The following CCDC148 variants were observed in gnomAD, a reference collection of about 807,000 sequenced individuals.
CCDC148 encodes the protein coiled-coil domain-containing protein 148.
Under a neutral mutation model 85.7 loss-of-function variants are expected in CCDC148, and 89 were observed. The observed-to-expected ratio is 1.04, with a 90% CI of 0.87 to 1.24. The LOEUF (loss-of-function observed/expected upper bound fraction) is 1.24, where lower values mean the gene tolerates loss of function less well. Among genes scored for constraint, CCDC148 ranks in the 50% most tolerant of loss-of-function variants. The pLI, the probability that CCDC148 is intolerant of heterozygous loss-of-function variation, is 0.00. For synonymous variants in CCDC148, 230 were observed against 213.9 expected, an observed-to-expected ratio of 1.08 and a Z score of -0.66; for missense variants, 692 against 671.7, an observed-to-expected ratio of 1.03 and a Z score of -0.33.
At chr2:158,347,227 CA>C (rs561408760) in intron 2 of CCDC148, among the ~76,000 whole-genome samples, 1 of 151,538 alleles carries the variant, frequency 6.6e-6, no homozygotes, top group South Asian at 2.1e-4. Context: ...ACATATTGTA[CA>C]AAAAAATTAA....
chr2:158,437,352 C>T (rs149801668), intron 1 of CCDC148, among the ~76,000 whole-genome samples: 25,274 of 152,048 alleles, frequency 0.17, 2,247 homozygotes, highest in Middle Eastern at 0.21. Flanking sequence ...TAATACCTCA[C>T]ATAAACAGAA....
At chr2:158,412,847 A>G (rs1341897266) in intron 1 of CCDC148, among the ~76,000 whole-genome samples, 1 of 134,292 alleles carries the variant, frequency 7.4e-6, no homozygotes, top group Non-Finnish European at 1.7e-5. Context: ...TATTATTATT[A>G]TTATTATTAT....
At position 158,324,040 on chromosome 2, in the gene CCDC148, C is replaced by T. The variant is rs555033275; in HGVS notation, c.765-10146G>A. 3.1e-4 allele frequency among the ~76,000 whole-genome samples: 46 copies of T among 150,148 alleles called. 1 individual carries two copies. Among genetic ancestry groups the T allele is most frequent in the African/African-American group, 1.1e-3 (44 of 40,846 alleles). On this transcript the variant is annotated intron_variant, in intron 7 of 13. Transcript: ENST00000283233. The stretch of plus-strand genomic sequence containing the variant: ...CAAGCGATTCTTCTGCCTCAGGTTC[C>T]CAAGTAGCTGGGATTACAGGCATGC...
chr2:158,389,953 C>T (rs927711778), intron 1 of CCDC148, among the ~76,000 whole-genome samples: 10 of 152,064 alleles, frequency 6.6e-5, no homozygotes, highest in African/African-American at 1.9e-4. Flanking sequence ...TTGGTAATTC[C>T]CATGCTTCAA....
Position 158,172,116 on chromosome 2 carries a change from T to C in CCDC148, c.1773A>G (p.Ile591Met), listed in dbSNP as rs755212790. ...RKDMESTVFK[I>M] is the part of the protein sequence containing the mutation. Reference sequence around the variant, plus strand: ...ATATAGAATTTGAGGATGAGCTCTATATTTTAAATACAGTAGACTCCATGT... The same window carrying C: ...ATATAGAATTTGAGGATGAGCTCTACATTTTAAATACAGTAGACTCCATGT... The change falls in exon 14 of 14, where the codon ATA (isoleucine) becomes ATG (methionine). Residue 591 changes from isoleucine to methionine, a missense_variant. By Grantham distance (10) the Ile-to-Met change is conservative. Coordinates refer to ENST00000283233, the MANE Select transcript of CCDC148 (RefSeq NM_138803.4). 3.1e-6 allele frequency: 5 copies of C among 1,591,320 alleles called. No individual in the cohort carries two copies. Among genetic ancestry groups the C allele is most frequent in the Admixed American group, 1.8e-5 (1 of 55,128 alleles).
intron 13 of CCDC148, among the ~76,000 whole-genome samples, chr2:158,173,823 C>T (rs1376923039): frequency 6.6e-6 from 1 of 151,994 alleles, no homozygotes; most frequent in African/African-American, 2.4e-5. Context: ...ATGCCATTGA[C>T]TCCCAAATTA....
At chr2:158,332,203 T>C (rs1693169696) in intron 7 of CCDC148, among the ~76,000 whole-genome samples, 1 of 152,046 alleles carries the variant, frequency 6.6e-6, no homozygotes, top group African/African-American at 2.4e-5. Context: ...GCAGGCGTGG[T>C]GGTGACAAAA....
At chr2:158,442,637 A>G in intron 1 of CCDC148, among the ~76,000 whole-genome samples, 1 of 152,226 alleles carries the variant, frequency 6.6e-6, no homozygotes, top group East Asian at 1.9e-4. Context: ...ATTGAGTGCC[A>G]TTGCAAAAGG....
At chr2:158,239,698 C>A (rs1274413992) in intron 10 of CCDC148, among the ~76,000 whole-genome samples, 1 of 152,038 alleles carries the variant, frequency 6.6e-6, no homozygotes, top group Non-Finnish European at 1.5e-5. Context: ...TAGTTTATTT[C>A]TTCTGCATAA....
At chr2:158,294,054 T>TTCCTTCCTTCCTTCCTTCCC (rs1559049889) in intron 9 of CCDC148, among the ~76,000 whole-genome samples, 1 of 95,868 alleles carries the variant, frequency 1.0e-5, no homozygotes, top group African/African-American at 3.9e-5. Flanking sequence ...CCTTCCTTCC[T>TTCCTTCCTTCCTTCCTTCCC]TCCTTCCTTC....
At chr2:158,313,674 G>A in intron 8 of CCDC148, 82 bp downstream of exon 8, 3 of 1,303,454 alleles carry the variant, frequency 2.3e-6, no homozygotes, top group East Asian at 5.0e-5. Flanking sequence ...AAGAACCATT[G>A]AAAATACATG....
At chr2:158,373,998 T>C (rs1219669995) in intron 1 of CCDC148, among the ~76,000 whole-genome samples, 1 of 152,066 alleles carries the variant, frequency 6.6e-6, no homozygotes, top group African/African-American at 2.4e-5. Context: ...GTGATTACAT[T>C]ATAGATCACA....
intron 11 of CCDC148, among the ~76,000 whole-genome samples, chr2:158,200,662 T>C (rs1685909327): frequency 6.6e-6 from 1 of 152,188 alleles, no homozygotes; most frequent in Non-Finnish European, 1.5e-5. Context: ...TATTATACCA[T>C]CATGAGGCAC....
At chr2:158,423,503 G>A (rs1337338390) in intron 1 of CCDC148, among the ~76,000 whole-genome samples, 1 of 152,156 alleles carries the variant, frequency 6.6e-6, no homozygotes, top group East Asian at 1.9e-4. Flanking sequence ...TGGGAAAACT[G>A]GCTAGCCATA....
At chr2:158,229,718 CA>C (rs1413526606) in intron 10 of CCDC148, among the ~76,000 whole-genome samples, 1 of 152,172 alleles carries the variant, frequency 6.6e-6, no homozygotes, top group Non-Finnish European at 1.5e-5. Context: ...TTCCCAATTC[CA>C]CCTTCTTCGT....
At chr2:158,373,372 T>A (rs763065305) in intron 1 of CCDC148, among the ~76,000 whole-genome samples, 5 of 152,050 alleles carry the variant, frequency 3.3e-5, no homozygotes, top group Admixed American at 6.6e-5. Context: ...ATTGTTTAAG[T>A]CACTAAGGTT....
At chr2:158,219,218 G>A (rs1216442542) in intron 11 of CCDC148, among the ~76,000 whole-genome samples, 1 of 152,152 alleles carries the variant, frequency 6.6e-6, no homozygotes, top group Non-Finnish European at 1.5e-5. Flanking sequence ...AAATGTATCA[G>A]GGAAGCTCAC....
chr2:158,197,356 G>C (rs1459623984), intron 11 of CCDC148, among the ~76,000 whole-genome samples: 1 of 152,028 alleles, frequency 6.6e-6, no homozygotes, highest in Non-Finnish European at 1.5e-5. Context: ...CAAAAATATA[G>C]TCAATGGAAG....
intron 3 of CCDC148, 90 bp downstream of exon 3, chr2:158,345,125 A>C: frequency 1.2e-6 from 1 of 803,952 alleles, no homozygotes; most frequent in South Asian, 2.4e-5. Context: ...TATAATGGTT[A>C]ATTAACATGG....
Sources: allele counts gnomAD v4.1 joint callset (sites outside exome capture counted in the v4.1 genomes callset), GRCh38; gene constraint gnomAD v4.1.1; transcripts MANE v1.5; gene names NCBI Gene and HGNC (gene_info 2026-07-23, HGNC 2026-07-21).